Variants in AHI1 observed in about 807,000 individuals in gnomAD.
AHI1 encodes Abelson helper integration site 1.
A neutral mutation model predicts 149.3 loss-of-function variants in AHI1; 123 were observed. That is an observed-to-expected ratio of 0.82 (90% CI 0.71 to 0.96). AHI1 has a LOEUF of 0.96. AHI1 is among the 40% of genes least tolerant of loss of function. The pLI, the probability that AHI1 is intolerant of heterozygous loss-of-function variation, is 0.00. For synonymous variants in AHI1, 475 were observed against 459.8 expected (o/e 1.03, Z -0.42); for missense variants, 1,439 against 1,422.7 (o/e 1.01, Z -0.18).
chr6:135,334,278 G>A (rs1273829936), intron 24 of AHI1, among the ~76,000 whole-genome samples: 1 of 152,122 alleles, frequency 6.6e-6, no homozygotes, highest in Non-Finnish European at 1.5e-5. Context: ...GAGGTGATTA[G>A]GTCATGAAGG....
intron 12 of AHI1, 90 bp downstream of exon 12, chr6:135,448,200 G>A (rs951171528): frequency 5.9e-5 from 50 of 844,122 alleles, no homozygotes; most frequent in Non-Finnish European, 7.4e-5. Flanking sequence ...ATTATTAGAG[G>A]CCTTATCTTT....
At chr6:135,453,582 C>T (rs538157668) in intron 10 of AHI1, 146 bp from the exon 11 acceptor site, 3 of 646,332 alleles carry the variant, frequency 4.6e-6, no homozygotes, top group Non-Finnish European at 7.9e-6. Context: ...TCATTTCATT[C>T]ACCTTAAAGT....
intron 24 of AHI1, among the ~76,000 whole-genome samples, chr6:135,332,532 C>T (rs904545269): frequency 6.6e-6 from 1 of 152,198 alleles, no homozygotes; most frequent in African/African-American, 2.4e-5. Flanking sequence ...GAACTAGGCC[C>T]CAACAGACCA....
intron 27 of AHI1, among the ~76,000 whole-genome samples, chr6:135,292,959 A>G (rs375567573): frequency 6.6e-6 from 1 of 152,172 alleles, no homozygotes; most frequent in East Asian, 1.9e-4. Context: ...TTACAGACCC[A>G]TATTTCTCAT....
intron 26 of AHI1, among the ~76,000 whole-genome samples, chr6:135,312,485 G>C (rs991434687): frequency 3.3e-5 from 5 of 152,080 alleles, no homozygotes; most frequent in Non-Finnish European, 7.4e-5. Context: ...CTGTACTTCA[G>C]CTTGGCAATA....
At chr6:135,433,673 T>C (rs1469893405) in intron 15 of AHI1, among the ~76,000 whole-genome samples, 1 of 152,098 alleles carries the variant, frequency 6.6e-6, no homozygotes, top group Non-Finnish European at 1.5e-5. Context: ...AAAGTGTTTA[T>C]TAATGGGGGT....
rs1421944327 is a variant in AHI1 at position 135,285,618 on chromosome 6, G to A, written c.*27C>T. 3.7e-6 allele frequency: 6 copies of A among 1,606,694 alleles called. No individual in the cohort carries two copies. Among genetic ancestry groups the A allele is most frequent in the Admixed American group, 3.4e-5 (2 of 59,598 alleles). ...TGTCATTTTCACCTCTGTGCATTTC[G>A]GCAGCTCTTAACTTTTCTTCAATTC... On this transcript the variant is annotated 3_prime_UTR_variant, in exon 29 of 29. Transcript: ENST00000265602.
chr6:135,495,583 C>T (rs1255270252), intron 3 of AHI1: 1 of 152,220 alleles, frequency 6.6e-6, no homozygotes, highest in Non-Finnish European at 1.5e-5. Flanking sequence ...TCCAGGGTGC[C>T]TTAATCTTTG....
At chr6:135,457,072 C>T (rs572160947) in intron 9 of AHI1, among the ~76,000 whole-genome samples, 3 of 152,168 alleles carry the variant, frequency 2.0e-5, no homozygotes, top group South Asian at 2.1e-4. Flanking sequence ...GCAGGTAGAT[C>T]GCCTGAGGTC....
intron 27 of AHI1, among the ~76,000 whole-genome samples, chr6:135,292,714 T>C (rs1041664101): frequency 2.0e-5 from 3 of 152,138 alleles, no homozygotes; most frequent in African/African-American, 7.2e-5. Flanking sequence ...TTAAAATCCG[T>C]AATTAAAAAT....
intron 23 of AHI1, among the ~76,000 whole-genome samples, chr6:135,380,019 C>CT (rs1393557712): frequency 7.6e-6 from 1 of 131,826 alleles, no homozygotes; most frequent in Non-Finnish European, 1.6e-5. Flanking sequence ...CTCCCTCCTT[C>CT]CTTCCTTCCT....
In AHI1 at chr6:135,289,135, C is replaced by T. The variant is rs186626587; in HGVS notation, c.3588+1288G>A. ...GAATGTCCTGTGTATATCTTTGTCCCGTTTTTCTACTGGTGTATTTTTTTT... is the reference window on the plus strand; with the variant it reads ...GAATGTCCTGTGTATATCTTTGTCCTGTTTTTCTACTGGTGTATTTTTTTT... On this transcript the variant is annotated intron_variant, in intron 28 of 28. Transcript: ENST00000265602. 6.7e-5 allele frequency among the ~76,000 whole-genome samples: 10 copies of T among 149,380 alleles called. No individual in the cohort carries two copies. The East Asian group carries it at 1.4e-3, about 20-fold the overall frequency.
Position 135,337,136 on chromosome 6 carries a change from G to A in AHI1, c.3166-13812C>T, listed in dbSNP as rs150144014. Among the ~76,000 whole-genome samples the A allele has an allele frequency of 1.8e-3, 279 of 152,132 alleles. 1 individual carries two copies. Among genetic ancestry groups the A allele is most frequent in the African/African-American group, 6.5e-3 (271 of 41,514 alleles). On this transcript the variant is annotated intron_variant, in intron 24 of 28. Coordinates refer to ENST00000265602, the MANE Select transcript of AHI1 (RefSeq NM_001134831.2). ...CACAAACCTGCTTGGTTCACTGCTT[G>A]TCACTTTCCTTAAAATTATGCCAAA...
chr6:135,395,991 C>T (rs1779160340), intron 22 of AHI1, among the ~76,000 whole-genome samples: 1 of 151,614 alleles, frequency 6.6e-6, no homozygotes, highest in South Asian at 2.1e-4. Context: ...TCATTATTTA[C>T]ATGTTTGTAA....
At chr6:135,297,687 G>A (rs1562453410) in intron 27 of AHI1, among the ~76,000 whole-genome samples, 1 of 151,954 alleles carries the variant, frequency 6.6e-6, no homozygotes, top group Admixed American at 6.6e-5. Context: ...GAAATTGGGG[G>A]TAGGATGAGG....
intron 24 of AHI1, among the ~76,000 whole-genome samples, chr6:135,330,683 T>C (rs189712273): frequency 6.6e-6 from 1 of 152,316 alleles, no homozygotes; most frequent in Non-Finnish European, 1.5e-5. Context: ...CATGCTACCA[T>C]CTGTCCACAT....
At chr6:135,317,128 C>A (rs1339441156) in intron 26 of AHI1, among the ~76,000 whole-genome samples, 1 of 151,928 alleles carries the variant, frequency 6.6e-6, no homozygotes, top group Non-Finnish European at 1.5e-5. Flanking sequence ...ATTTTATTTC[C>A]ATGGATTCCT....
intron 5 of AHI1, chr6:135,489,826 T>C (rs1002266728): frequency 2.1e-5 from 4 of 190,020 alleles, no homozygotes; most frequent in African/African-American, 9.4e-5. Context: ...TGAACAGGTC[T>C]TAAGAAAAAA....
chr6:135,439,836 G>A (rs990979915), intron 14 of AHI1, among the ~76,000 whole-genome samples: 1 of 152,082 alleles, frequency 6.6e-6, no homozygotes, highest in African/African-American at 2.4e-5. Context: ...GAGGGTCTTA[G>A]AACATATACC....
Sources: allele counts gnomAD v4.1 joint callset (sites outside exome capture counted in the v4.1 genomes callset), GRCh38; gene constraint gnomAD v4.1.1; transcripts MANE v1.5; gene names NCBI Gene and HGNC (gene_info 2026-07-23, HGNC 2026-07-21).